The following LHPP variants were observed in gnomAD, a reference collection of about 807,000 sequenced individuals.
The protein encoded by LHPP is hLHPP.
LHPP carries 24 observed loss-of-function variants against 30.3 expected under a neutral mutation model. That is an observed-to-expected ratio of 0.79 (90% CI 0.57 to 1.11). The LOEUF is 1.11. Ranked by LOEUF, LHPP falls within the 50% of genes most tolerant of loss-of-function variation. The probability of loss-of-function intolerance (pLI) is 0.00; values close to 1 mark genes in which losing one functional copy is unlikely to be tolerated. For synonymous variants in LHPP, 150 were observed against 157.1 expected, an observed-to-expected ratio of 0.95 and a Z score of 0.34; for missense variants, 356 against 367.2, an observed-to-expected ratio of 0.97 and a Z score of 0.25.
At chr10:124,479,563 G>A (rs1215633899) in intron 1 of LHPP, among the ~76,000 whole-genome samples, 2 of 152,170 alleles carry the variant, frequency 1.3e-5, no homozygotes, top group East Asian at 1.9e-4. Flanking sequence ...ATATCAGGGG[G>A]TCGGCATGGC....
At chr10:124,587,040 T>TTTTTTTTTTTTTTTTTTTTC (rs1948813192) in intron 6 of LHPP, among the ~76,000 whole-genome samples, 1 of 149,602 alleles carries the variant, frequency 6.7e-6, no homozygotes, top group Non-Finnish European at 1.5e-5. Context: ...TTTTTTTTTT[T>TTTTTTTTTTTTTTTTTTTTC]TTTTTTGAGA....
intron 1 of LHPP, among the ~76,000 whole-genome samples, chr10:124,468,907 G>C (rs2674331): frequency 6.6e-6 from 1 of 152,006 alleles, no homozygotes; most frequent in Admixed American, 6.6e-5. Flanking sequence ...TGCAGGAAAC[G>C]CCCCCTCCAG....
intron 5 of LHPP, among the ~76,000 whole-genome samples, chr10:124,511,127 A>G (rs1954284637): frequency 6.6e-6 from 1 of 152,194 alleles, no homozygotes; most frequent in Non-Finnish European, 1.5e-5. Flanking sequence ...AATTTTTACC[A>G]TATCTGGGTA....
In LHPP at chr10:124,541,975, C is replaced by T. The variant is rs7901696; in HGVS notation, c.716+24704C>T. Among the ~76,000 whole-genome samples the T allele has an allele frequency of 0.18, 27,543 of 151,986 alleles. 4,334 individuals are homozygous for T. The highest frequency in any genetic ancestry group is 0.43 in the African/African-American group (17,738 of 41,386). ...ATGCTGTCCCTGTCCAGACATGAAA[C>T]GGACAGCAGGAGGGGGCTTTGAGGG... On this transcript the variant is annotated intron_variant, in intron 6 of 6. Coordinates refer to ENST00000368842, the MANE Select transcript of LHPP (RefSeq NM_022126.4). This position sits in a 1 kb window ranked among gnomAD's most constrained non-coding sequence, Gnocchi z 4.2.
At chr10:124,566,931 C>A (rs1366052574) in intron 6 of LHPP, among the ~76,000 whole-genome samples, 1 of 152,202 alleles carries the variant, frequency 6.6e-6, no homozygotes, top group African/African-American at 2.4e-5. Flanking sequence ...GAGAAATGGT[C>A]CCTCAGGAGC....
At chr10:124,479,916 C>T (rs1057222345) in intron 1 of LHPP, among the ~76,000 whole-genome samples, 4 of 152,132 alleles carry the variant, frequency 2.6e-5, no homozygotes, top group African/African-American at 7.2e-5. Context: ...CTCATAGGCT[C>T]GTTTACCCAG....
At chr10:124,511,759 G>A (rs1448262812) in intron 5 of LHPP, among the ~76,000 whole-genome samples, 2 of 152,202 alleles carry the variant, frequency 1.3e-5, no homozygotes, top group South Asian at 2.1e-4. Context: ...TGATTCCTTG[G>A]TTATCTGAAG....
intron 6 of LHPP, among the ~76,000 whole-genome samples, chr10:124,560,985 A>T (rs561758250): frequency 6.6e-6 from 1 of 152,294 alleles, no homozygotes; most frequent in Non-Finnish European, 1.5e-5. Flanking sequence ...AACAAACAGA[A>T]GAGGCTGAAA....
At chr10:124,468,061 A>C (rs1952612227) in intron 1 of LHPP, among the ~76,000 whole-genome samples, 1 of 152,084 alleles carries the variant, frequency 6.6e-6, no homozygotes, top group Admixed American at 6.6e-5. Context: ...CCTACTTGGA[A>C]TCCTTCAGGG....
intron 6 of LHPP, among the ~76,000 whole-genome samples, chr10:124,599,928 C>A (rs1334864281): frequency 6.6e-6 from 1 of 152,224 alleles, no homozygotes; most frequent in Non-Finnish European, 1.5e-5. Context: ...ATTCACTGAT[C>A]ATGCATTTAT....
At chr10:124,611,794 G>A (rs936779103) in intron 6 of LHPP, among the ~76,000 whole-genome samples, 1 of 152,142 alleles carries the variant, frequency 6.6e-6, no homozygotes, top group African/African-American at 2.4e-5. Context: ...GGGCCAACAC[G>A]GCTTTTAGAT....
chr10:124,484,411 G>A, intron 2 of LHPP, 85 bp downstream of exon 2: 1 of 1,315,944 alleles, frequency 7.6e-7, no homozygotes, highest in Non-Finnish European at 1.1e-6. Context: ...CTCTTTCACT[G>A]GGCCAAACCA....
At chr10:124,514,896 G>C (rs1017487666) in intron 5 of LHPP, among the ~76,000 whole-genome samples, 1 of 151,888 alleles carries the variant, frequency 6.6e-6, no homozygotes, top group African/African-American at 2.4e-5. Flanking sequence ...CAAACTCCCG[G>C]GCTCAAGTGA....
rs1449701233 is a variant in LHPP, at chr10:124,537,564, C to T, written c.716+20293C>T. Among the ~76,000 whole-genome samples, 5 of 152,240 alleles carry T rather than the reference C, an allele frequency of 3.3e-5. No homozygotes were observed. In the East Asian group the frequency reaches 9.6e-4, roughly 29 times the overall value. The stretch of plus-strand genomic sequence containing the variant: ...CCATGAGCCCCAAACTTCCCAAAGC[C>T]CTTCCCCAGTCCCACAAGATGGTGT... On this transcript the variant is annotated intron_variant, in intron 6 of 6. Coordinates refer to ENST00000368842, the MANE Select transcript of LHPP (RefSeq NM_022126.4).
chr10:124,563,918 G>A (rs1293798849), intron 6 of LHPP, among the ~76,000 whole-genome samples: 1 of 151,974 alleles, frequency 6.6e-6, no homozygotes, highest in African/African-American at 2.4e-5. Context: ...GCAGTGGGGA[G>A]TTGGAATGGT....
At chr10:124,499,337 C>T (rs1316684132) in intron 5 of LHPP, among the ~76,000 whole-genome samples, 1 of 151,702 alleles carries the variant, frequency 6.6e-6, no homozygotes, top group Non-Finnish European at 1.5e-5. Context: ...AGCAGGTTTT[C>T]TGAAAGATTG....
intron 6 of LHPP, among the ~76,000 whole-genome samples, chr10:124,612,441 C>G (rs1399739172): frequency 5.9e-5 from 9 of 152,092 alleles, no homozygotes; most frequent in Non-Finnish European, 1.3e-4. Context: ...TGGATGTCTC[C>G]ACGAACCCAC....
At chr10:124,474,132 CTTTTTTTTTTTTTT>C in intron 1 of LHPP, among the ~76,000 whole-genome samples, 1 of 71,902 alleles carries the variant, frequency 1.4e-5, no homozygotes, top group Non-Finnish European at 2.6e-5. Context: ...TTGCTTTGCC[CTTTTTTTTTTTTTT>C]TTTTTTTTTT....
rs148490436 is a variant in LHPP at position 124,558,637 on chromosome 10, C to T, written c.716+41366C>T. ...TTGGGGGCCAGTGGGCAGGGGCACTCACCATGCTACCCAACCCCCCATGGC... is the reference window on the plus strand; with the variant it reads ...TTGGGGGCCAGTGGGCAGGGGCACTTACCATGCTACCCAACCCCCCATGGC... On this transcript the variant is annotated intron_variant, in intron 6 of 6. Transcript: ENST00000368842. Among the ~76,000 whole-genome samples the T allele has an allele frequency of 1.9e-4, 29 of 152,342 alleles. 1 individual carries two copies. In the East Asian group the frequency reaches 5.2e-3, roughly 27 times the overall value.
Sources: allele counts gnomAD v4.1 joint callset (sites outside exome capture counted in the v4.1 genomes callset), GRCh38; gene constraint gnomAD v4.1.1; non-coding constraint Gnocchi (gnomAD v3.1); transcripts MANE v1.5; gene names NCBI Gene and HGNC (gene_info 2026-07-23, HGNC 2026-07-21).